The following RSPO2 variants were observed in gnomAD, a reference collection of about 807,000 sequenced individuals.
The protein encoded by RSPO2 is R-spondin-2.
RSPO2 carries 14 observed loss-of-function variants against 30.9 expected under a neutral mutation model. The observed-to-expected ratio is 0.45, with a 90% CI of 0.30 to 0.71. The LOEUF is 0.71. Among genes scored for constraint, RSPO2 ranks in the 30% least tolerant of loss-of-function variants. The pLI, the probability that RSPO2 is intolerant of heterozygous loss-of-function variation, is 0.08. For synonymous variants in RSPO2, 107 were observed against 96.4 expected (o/e 1.11, Z -0.64); for missense variants, 264 against 301.9 (o/e 0.87, Z 0.93).
intron 2 of RSPO2, among the ~76,000 whole-genome samples, chr8:108,067,727 T>C (rs1206053360): frequency 2.2e-4 from 33 of 152,188 alleles, no homozygotes; most frequent in Non-Finnish European, 7.3e-5. Flanking sequence ...TAGTAGGCAA[T>C]ATTGAGATTT....
intron 3 of RSPO2, chr8:107,983,607 T>A (rs1337369428): frequency 6.3e-7 from 1 of 1,596,352 alleles, no homozygotes; most frequent in African/African-American, 1.3e-5. Flanking sequence ...CAAAAGACGA[T>A]AAAACAATTA....
chr8:108,080,617 C>T (rs1340274534), intron 2 of RSPO2, among the ~76,000 whole-genome samples: 8 of 152,242 alleles, frequency 5.3e-5, no homozygotes, highest in East Asian at 1.9e-4. Context: ...CCCTTCTGGC[C>T]GCAGGAGTGC....
rs887644182 is a variant in RSPO2 at position 108,080,579 on chromosome 8, A to G, written c.94+1966T>C. Among the ~76,000 whole-genome samples the G allele has an allele frequency of 3.3e-5, 5 of 152,164 alleles. No homozygotes were observed. The South Asian group carries it at 1.0e-3, about 31-fold the overall frequency. On this transcript the variant is annotated intron_variant, in intron 2 of 5. Coordinates refer to ENST00000276659, the MANE Select transcript of RSPO2 (RefSeq NM_178565.5). ...AGAAGGCATAGGCAGATTCTTAGAGATGGCACTGCAGAGAAGGCATGCAGT... is the reference window on the plus strand; with the variant it reads ...AGAAGGCATAGGCAGATTCTTAGAGGTGGCACTGCAGAGAAGGCATGCAGT...
chr8:107,921,987 C>T (rs1812189508), intron 5 of RSPO2, among the ~76,000 whole-genome samples: 1 of 152,108 alleles, frequency 6.6e-6, no homozygotes, highest in Non-Finnish European at 1.5e-5. Flanking sequence ...AATCCACAGC[C>T]AATGTCATAC....
At chr8:107,966,992 T>C (rs1318758494) in intron 3 of RSPO2, among the ~76,000 whole-genome samples, 4 of 152,162 alleles carry the variant, frequency 2.6e-5, no homozygotes, top group South Asian at 4.1e-4. Context: ...GAAAATCCAA[T>C]TGCTTGTTGC....
At chr8:108,061,779 T>A (rs1455726544) in intron 2 of RSPO2, among the ~76,000 whole-genome samples, 1 of 151,814 alleles carries the variant, frequency 6.6e-6, no homozygotes, top group African/African-American at 2.4e-5. Flanking sequence ...GACCACATAG[T>A]TGCAGGTAAA....
At chr8:108,014,208 G>T (rs973652073) in intron 2 of RSPO2, among the ~76,000 whole-genome samples, 5 of 152,200 alleles carry the variant, frequency 3.3e-5, no homozygotes, top group African/African-American at 1.2e-4. Flanking sequence ...TGCTGGAGAG[G>T]ATGTGGAGAA....
At chr8:108,078,233 T>A (rs1025189555) in intron 2 of RSPO2, among the ~76,000 whole-genome samples, 6 of 152,302 alleles carry the variant, frequency 3.9e-5, no homozygotes, top group Admixed American at 3.9e-4. Context: ...AAGATGTTAG[T>A]TTGAGCACAG....
intron 4 of RSPO2, among the ~76,000 whole-genome samples, chr8:107,959,307 T>C (rs575046810): frequency 2.0e-5 from 3 of 152,326 alleles, no homozygotes; most frequent in Non-Finnish European, 4.4e-5. Context: ...AAAATGTATG[T>C]TTTTACTACA....
chr8:108,024,836 A>G (rs1167533568), intron 2 of RSPO2, among the ~76,000 whole-genome samples: 1 of 152,184 alleles, frequency 6.6e-6, no homozygotes, highest in Non-Finnish European at 1.5e-5. Flanking sequence ...CTTGCGTGAC[A>G]TGGAAAAACA....
At chr8:108,055,457 A>G (rs1299977070) in intron 2 of RSPO2, among the ~76,000 whole-genome samples, 1 of 152,196 alleles carries the variant, frequency 6.6e-6, no homozygotes, top group Non-Finnish European at 1.5e-5. Flanking sequence ...TTTTCATTTT[A>G]TAAGCAATTC....
In RSPO2 at chr8:107,921,509, G is replaced by A. The variant is rs528965525; in HGVS notation, c.617-20319C>T. ...TGAAAGTAACTATCAACTTAGATTT[G>A]TATAACAGGAAAACTATCTTTTAGG... On this transcript the variant is annotated intron_variant, in intron 5 of 5. Coordinates refer to ENST00000276659, the MANE Select transcript of RSPO2 (RefSeq NM_178565.5). Among the ~76,000 whole-genome samples the A allele has an allele frequency of 2.0e-5, 3 of 152,080 alleles. No homozygotes were observed. The East Asian group carries it at 5.8e-4, about 29-fold the overall frequency.
Position 107,958,278 on chromosome 8 carries a change from AT to A in RSPO2, c.428-11del. 5 of 1,598,316 alleles carry A rather than the reference AT, an allele frequency of 3.1e-6. No homozygotes were observed. Among genetic ancestry groups the A allele is most frequent in the Non-Finnish European group, 4.3e-6 (5 of 1,172,050 alleles). On this transcript the variant is annotated splice_polypyrimidine_tract_variant and intron_variant, in intron 4 of 5. Coordinates refer to ENST00000276659, the MANE Select transcript of RSPO2 (RefSeq NM_178565.5). ...CCAACTTCACATCCTTCTAGTAAAG[AT>A]TTTTAGAAAAAGAAAAAAAAACACA... is the stretch of plus-strand genomic sequence containing the variant.
At chr8:107,918,458 TA>T (rs1218100724) in intron 5 of RSPO2, among the ~76,000 whole-genome samples, 1 of 152,186 alleles carries the variant, frequency 6.6e-6, no homozygotes, top group Non-Finnish European at 1.5e-5. Flanking sequence ...TCAGAGTCAC[TA>T]AGACCCTCTT....
At chr8:107,996,422 C>A (rs1815028103) in intron 2 of RSPO2, among the ~76,000 whole-genome samples, 1 of 152,166 alleles carries the variant, frequency 6.6e-6, no homozygotes, top group African/African-American at 2.4e-5. Context: ...ACAAAGCCCT[C>A]TGAAACATAC....
chr8:108,000,012 T>C (rs573952137), intron 2 of RSPO2, among the ~76,000 whole-genome samples: 1 of 152,262 alleles, frequency 6.6e-6, no homozygotes, highest in South Asian at 2.1e-4. Context: ...GAATGATCTA[T>C]GAGGTATGTG....
At chr8:107,955,591 G>T (rs1813401510) in intron 5 of RSPO2, among the ~76,000 whole-genome samples, 1 of 151,696 alleles carries the variant, frequency 6.6e-6, no homozygotes, top group Non-Finnish European at 1.5e-5. Flanking sequence ...AAGCAAATAA[G>T]CATATAACAG....
intron 3 of RSPO2, among the ~76,000 whole-genome samples, chr8:107,973,117 A>C (rs764355442): frequency 1.1e-4 from 16 of 152,090 alleles, no homozygotes; most frequent in Non-Finnish European, 1.9e-4. Flanking sequence ...AAAAATACAA[A>C]AAATTAGCTG....
chr8:107,947,281 T>C (rs1813094583), intron 5 of RSPO2, among the ~76,000 whole-genome samples: 1 of 152,198 alleles, frequency 6.6e-6, no homozygotes, highest in Non-Finnish European at 1.5e-5. Context: ...AGCTGGCTAG[T>C]ACAGGAAACT....
Sources: gnomAD v4.1 joint callset for allele counts (sites outside exome capture counted in the v4.1 genomes callset) on GRCh38, gnomAD v4.1.1 for gene constraint, MANE v1.5 for transcripts, NCBI Gene and HGNC (gene_info 2026-07-23, HGNC 2026-07-21) for gene names.